The following WWP2 variants were observed in gnomAD, a reference collection of about 807,000 sequenced individuals.
WWP2 encodes the protein NEDD4-like E3 ubiquitin-protein ligase WWP2.
Under a neutral mutation model 121.0 loss-of-function variants are expected in WWP2, and 57 were observed. That is an observed-to-expected ratio of 0.47 (90% CI 0.38 to 0.59). WWP2 has a LOEUF of 0.59. Ranked by LOEUF, WWP2 falls within the 20% of genes least tolerant of loss-of-function variation. The pLI is 0.00. For missense variants in WWP2, 962 were observed against 1,158.9 expected, an observed-to-expected ratio of 0.83 and a Z score of 2.47; for synonymous variants, 449 against 441.3, an observed-to-expected ratio of 1.02 and a Z score of -0.22.
chr16:69,931,635 C>G (rs1479017202), intron 15 of WWP2, 55 bp downstream of exon 15: 9 of 1,608,408 alleles, frequency 5.6e-6, no homozygotes, highest in Non-Finnish European at 6.8e-6. Context: ...TCCCAGCACC[C>G]CATCTCCTAT....
intron 4 of WWP2, among the ~76,000 whole-genome samples, chr16:69,802,936 C>T (rs1484353550): frequency 6.6e-6 from 1 of 151,998 alleles, no homozygotes; most frequent in African/African-American, 2.4e-5. Flanking sequence ...TGCAAATATA[C>T]CAAAATCTGA....
chr16:69,938,631 G>C (rs944571006), intron 21 of WWP2, among the ~76,000 whole-genome samples: 1 of 152,224 alleles, frequency 6.6e-6, no homozygotes, highest in Non-Finnish European at 1.5e-5. Flanking sequence ...GGGCGACAGA[G>C]CAGTGGCTTC....
intron 1 of WWP2, among the ~76,000 whole-genome samples, chr16:69,771,951 T>G (rs1192711893): frequency 7.6e-6 from 1 of 131,168 alleles, no homozygotes; most frequent in Non-Finnish European, 1.7e-5. Flanking sequence ...GTCTTTTTAG[T>G]CTTTTTTTTT....
chr16:69,842,128 C>A lies in WWP2; in HGVS notation c.575+8C>A. On this transcript the variant is annotated splice_region_variant and intron_variant, in intron 6 of 23. Coordinates refer to ENST00000359154, the MANE Select transcript of WWP2 (RefSeq NM_001270454.2). ...CTTTGGTGGAAGATCCCGGTAAGACCCCCCTTGGTGAGGACAAAGAGCTAA... is the reference window on the plus strand; with the variant it reads ...CTTTGGTGGAAGATCCCGGTAAGACACCCCTTGGTGAGGACAAAGAGCTAA... 2 of 1,610,922 alleles carry A rather than the reference C, an allele frequency of 1.2e-6. No homozygotes were observed. The highest frequency in any genetic ancestry group is 1.7e-6 in the Non-Finnish European group (2 of 1,178,518).
chr16:69,844,694 A>G (rs1390118768), intron 6 of WWP2, among the ~76,000 whole-genome samples: 2 of 152,156 alleles, frequency 1.3e-5, no homozygotes, highest in African/African-American at 4.8e-5. Flanking sequence ...GGCCCATCAC[A>G]CGTGGTAGAC....
At chr16:69,781,803 A>C (rs988878621) in intron 1 of WWP2, among the ~76,000 whole-genome samples, 5 of 152,112 alleles carry the variant, frequency 3.3e-5, no homozygotes, top group African/African-American at 1.2e-4. Flanking sequence ...CATCCTGGCA[A>C]GGGCCTTTGT....
chr16:69,813,668 A>G (rs1438797643), intron 4 of WWP2, among the ~76,000 whole-genome samples: 2 of 152,000 alleles, frequency 1.3e-5, no homozygotes, highest in Non-Finnish European at 2.9e-5. Context: ...GGGTTTCACC[A>G]TGTTGCCCAA....
chr16:69,884,979 A>G (rs2057897183), intron 7 of WWP2, among the ~76,000 whole-genome samples: 1 of 152,144 alleles, frequency 6.6e-6, no homozygotes. Flanking sequence ...CTTTCTTATT[A>G]ATTGACACTT....
Position 69,929,198 on chromosome 16 carries a change from A to G in WWP2, c.1235-250A>G, listed in dbSNP as rs554467097. 3.3e-5 allele frequency among the ~76,000 whole-genome samples: 5 copies of G among 152,126 alleles called. No individual in the cohort carries two copies. The South Asian group carries it at 8.3e-4, about 25-fold the overall frequency. On this transcript the variant is annotated intron_variant, in intron 11 of 23. Coordinates refer to ENST00000359154, the MANE Select transcript of WWP2 (RefSeq NM_001270454.2). The stretch of plus-strand genomic sequence containing the variant: ...ACCACCCCCTCCCTCCGACCAATCA[A>G]CCAAAGAAGTGCTTCATCTCGAGTT...
At chr16:69,813,511 C>T (rs1216858594) in intron 4 of WWP2, among the ~76,000 whole-genome samples, 1 of 151,942 alleles carries the variant, frequency 6.6e-6, no homozygotes, top group Non-Finnish European at 1.5e-5. Flanking sequence ...TAGAGTCTTG[C>T]TCTGTCACCC....
chr16:69,924,992 C>T, intron 10 of WWP2: 1 of 990,220 alleles, frequency 1.0e-6, no homozygotes, highest in Non-Finnish European at 1.2e-6. Flanking sequence ...TATTTTTTCC[C>T]CTCCTGCGTG....
At chr16:69,844,363 T>C (rs1376476384) in intron 6 of WWP2, among the ~76,000 whole-genome samples, 1 of 152,252 alleles carries the variant, frequency 6.6e-6, no homozygotes, top group African/African-American at 2.4e-5. Flanking sequence ...GAGGAAGGAA[T>C]ACTTGAGTAT....
intron 4 of WWP2, among the ~76,000 whole-genome samples, chr16:69,837,315 C>T (rs1319689663): frequency 6.6e-6 from 1 of 152,138 alleles, no homozygotes; most frequent in Non-Finnish European, 1.5e-5. Flanking sequence ...ATCCTCCTAC[C>T]TCAGCCTCCC....
At position 69,912,369 on chromosome 16, in the gene WWP2, T is replaced by TCACACACA. The variant is rs3051446; in HGVS notation, c.1004+3554_1004+3561dup. On this transcript the variant is annotated intron_variant, in intron 9 of 23. Transcript: ENST00000359154. The stretch of plus-strand genomic sequence containing the variant: ...TGGAAGTTTGTGCAGGGAGTTAGAT[T>TCACACACA]CACACACACACACACACACACACAC... Among the ~76,000 whole-genome samples, 208 of 140,290 alleles carry TCACACACA rather than the reference T, an allele frequency of 1.5e-3. 2 individuals carry two copies. Among genetic ancestry groups the TCACACACA allele is most frequent in the African/African-American group, 3.9e-3 (146 of 37,540 alleles). The allele number at this position is 140,290 out of a possible 152,430, so 92.0% of individuals were successfully genotyped here.
At chr16:69,892,083 C>G (rs1179703792) in intron 8 of WWP2, among the ~76,000 whole-genome samples, 1 of 152,152 alleles carries the variant, frequency 6.6e-6, no homozygotes, top group African/African-American at 2.4e-5. Flanking sequence ...CTCTGAATGC[C>G]CAGCACCTAG....
At chr16:69,910,854 G>A (rs1194081739) in intron 9 of WWP2, among the ~76,000 whole-genome samples, 1 of 152,142 alleles carries the variant, frequency 6.6e-6, no homozygotes, top group African/African-American at 2.4e-5. Flanking sequence ...GTTGAGGTGG[G>A]ACACTACTAA....
chr16:69,766,074 A>T (rs2151762896), intron 1 of WWP2, among the ~76,000 whole-genome samples: 1 of 152,214 alleles, frequency 6.6e-6, no homozygotes, highest in East Asian at 1.9e-4. Context: ...CTTCACGTGG[A>T]TTCCTATCAG....
In WWP2 at chr16:69,769,654, A is replaced by G. The variant is rs13339493; in HGVS notation, c.-16+7263A>G. 2.0e-3 allele frequency among the ~76,000 whole-genome samples: 301 copies of G among 152,210 alleles called. 3 individuals carry two copies. The highest frequency in any genetic ancestry group is 6.9e-3 in the African/African-American group (285 of 41,524). On this transcript the variant is annotated intron_variant, in intron 1 of 23. Coordinates refer to ENST00000359154, the MANE Select transcript of WWP2 (RefSeq NM_001270454.2). Reference sequence around the variant, plus strand: ...AGAAGTGGTTTTGTTTGTAGTTGATATTTGAAGAGCTCTTACTGTGTGTCC... The same window carrying G: ...AGAAGTGGTTTTGTTTGTAGTTGATGTTTGAAGAGCTCTTACTGTGTGTCC...
At chr16:69,778,192 A>ATAT (rs1555544415) in intron 1 of WWP2, among the ~76,000 whole-genome samples, 15,433 of 125,240 alleles carry the variant, frequency 0.12, 1,136 homozygotes, top group Admixed American at 0.22. Flanking sequence ...ATATATATAT[A>ATAT]TTTTTTTTTT....
Sources: gnomAD v4.1 joint callset for allele counts (sites outside exome capture counted in the v4.1 genomes callset) on GRCh38, gnomAD v4.1.1 for gene constraint, MANE v1.5 for transcripts, NCBI Gene and HGNC (gene_info 2026-07-23, HGNC 2026-07-21) for gene names.